Variants in GRM7 observed in about 807,000 individuals in gnomAD.
GRM7 encodes the protein glutamate metabotropic receptor 7, also known as metabotropic glutamate receptor 7.
In GRM7, 35 loss-of-function variants were observed where a neutral mutation model predicts 84.5. The ratio of observed to expected loss-of-function variants is 0.41; its 90% CI spans 0.32 to 0.55. The LOEUF (loss-of-function observed/expected upper bound fraction) is 0.55. Among genes scored for constraint, GRM7 ranks in the 20% least tolerant of loss-of-function variants. The probability of loss-of-function intolerance (pLI) is 0.19; values close to 1 mark genes in which losing one functional copy is unlikely to be tolerated. For missense variants in GRM7, 1,003 were observed against 1,194.6 expected, an observed-to-expected ratio of 0.84 and a Z score of 2.36; for synonymous variants, 487 against 455.1, an observed-to-expected ratio of 1.07 and a Z score of -0.89.
intron 1 of GRM7, among the ~76,000 whole-genome samples, chr3:7,086,593 T>C (rs1413820728): frequency 1.3e-5 from 2 of 152,244 alleles, no homozygotes; most frequent in Non-Finnish European, 1.5e-5. Context: ...TGCAACTTGA[T>C]GTTTGCCAGC....
At chr3:7,039,591 A>C (rs1574823093) in intron 1 of GRM7, among the ~76,000 whole-genome samples, 1 of 152,154 alleles carries the variant, frequency 6.6e-6, no homozygotes, top group African/African-American at 2.4e-5. Flanking sequence ...ATAATATTGG[A>C]TATGCCGTGA....
chr3:7,415,405 G>C (rs906561415), intron 5 of GRM7, among the ~76,000 whole-genome samples: 8 of 152,122 alleles, frequency 5.3e-5, no homozygotes, highest in African/African-American at 1.9e-4. Context: ...TTTGAATTCA[G>C]AAGGGGTCAT....
chr3:7,334,879 A>G (rs1184197432), intron 4 of GRM7, among the ~76,000 whole-genome samples: 2 of 152,128 alleles, frequency 1.3e-5, no homozygotes, highest in Non-Finnish European at 2.9e-5. Context: ...ATAAATATAT[A>G]TGCACCTAAC....
At chr3:7,349,864 T>C (rs1279527945) in intron 4 of GRM7, among the ~76,000 whole-genome samples, 1 of 152,164 alleles carries the variant, frequency 6.6e-6, no homozygotes, top group Non-Finnish European at 1.5e-5. Flanking sequence ...ATATATTAGG[T>C]TAGATTCCTC....
intron 1 of GRM7, among the ~76,000 whole-genome samples, chr3:7,015,270 T>A (rs1695523208): frequency 6.6e-6 from 1 of 152,140 alleles, no homozygotes; most frequent in South Asian, 2.1e-4. Context: ...ACACTCACTG[T>A]GAAGGTCCGT....
intron 1 of GRM7, among the ~76,000 whole-genome samples, chr3:6,956,268 A>T (rs1040827473): frequency 4.6e-5 from 7 of 152,200 alleles, no homozygotes; most frequent in African/African-American, 1.7e-4. Flanking sequence ...GTCTGAAGTC[A>T]ACAGTCGAAA....
At chr3:7,529,685 T>C (rs1340311603) in intron 7 of GRM7, among the ~76,000 whole-genome samples, 1 of 152,086 alleles carries the variant, frequency 6.6e-6, no homozygotes, top group African/African-American at 2.4e-5. Flanking sequence ...TCAAGGTTCA[T>C]CAACCTGCCT....
At chr3:6,939,217 G>GTTAAGGC (rs1472958402) in intron 1 of GRM7, among the ~76,000 whole-genome samples, 1 of 152,104 alleles carries the variant, frequency 6.6e-6, no homozygotes, top group Non-Finnish European at 1.5e-5. Flanking sequence ...AAACAAATCT[G>GTTAAGGC]TTAAGGCTTT....
intron 4 of GRM7, among the ~76,000 whole-genome samples, chr3:7,409,452 G>A (rs137897186): frequency 1.2e-3 from 189 of 151,948 alleles, no homozygotes; most frequent in African/African-American, 4.3e-3. Context: ...GTGGGGGGTA[G>A]CTATTTTAAT....
intron 2 of GRM7, among the ~76,000 whole-genome samples, chr3:7,254,039 G>C (rs1465508019): frequency 2.0e-5 from 3 of 152,176 alleles, no homozygotes; most frequent in African/African-American, 7.2e-5. Flanking sequence ...CCCAGGACTA[G>C]AAGTGCAAGG....
chr3:7,658,260 T>A (rs1575601401), intron 8 of GRM7, among the ~76,000 whole-genome samples: 1 of 152,310 alleles, frequency 6.6e-6, no homozygotes, highest in African/African-American at 2.4e-5. Flanking sequence ...ATTTAGAGCA[T>A]ACAGTATTAA....
At position 7,229,757 on chromosome 3, in the gene GRM7, ATATTT is replaced by A. The variant is rs1295331747; in HGVS notation, c.737-68925_737-68921del. 2.3e-3 allele frequency among the ~76,000 whole-genome samples: 62 copies of A among 26,860 alleles called. 1 individual carries two copies. The highest frequency in any genetic ancestry group is 6.2e-3 in the East Asian group (4 of 646). 17.6% of individuals were successfully genotyped at this position (26,860 alleles called of 152,430 possible). ...TATATATATATATATATATATATAT[ATATTT>A]TTTTTTTTTTTTGGTTGACAGGTGT... On this transcript the variant is annotated intron_variant, in intron 2 of 9. Coordinates refer to ENST00000357716, the MANE Select transcript of GRM7 (RefSeq NM_000844.4).
At chr3:7,704,778 T>C (rs1191082114) in intron 9 of GRM7, among the ~76,000 whole-genome samples, 1 of 152,118 alleles carries the variant, frequency 6.6e-6, no homozygotes, top group Non-Finnish European at 1.5e-5. Flanking sequence ...TGTCCCCAAA[T>C]GCCTGGCTCT....
chr3:7,672,038 C>T (rs1699937193), intron 8 of GRM7, among the ~76,000 whole-genome samples: 1 of 152,106 alleles, frequency 6.6e-6, no homozygotes, highest in Non-Finnish European at 1.5e-5. Flanking sequence ...TTTTTCCTCC[C>T]TTGAATCCTC....
chr3:7,558,292 G>T lies in GRM7; in HGVS notation c.1516-20130G>T, dbSNP rs376832146. Among the ~76,000 whole-genome samples the T allele has an allele frequency of 4.1e-4, 63 of 152,112 alleles. No individual in the cohort carries two copies. The East Asian group carries it at 8.5e-3, about 21-fold the overall frequency. On this transcript the variant is annotated intron_variant, in intron 7 of 9. Transcript: ENST00000357716. ...AGAGATAGTATATATTTAATACCTG[G>T]CATAGAGTGGATGTTCAATAATTAT...
At chr3:7,309,204 A>G (rs9846024) in intron 4 of GRM7, among the ~76,000 whole-genome samples, 7,491 of 152,318 alleles carry the variant, frequency 0.049, 618 homozygotes, top group African/African-American at 0.17. Context: ...CAGACAGAAC[A>G]TTAAGATAGC....
At chr3:7,239,810 A>G (rs762351306) in intron 2 of GRM7, among the ~76,000 whole-genome samples, 1 of 152,142 alleles carries the variant, frequency 6.6e-6, no homozygotes, top group Non-Finnish European at 1.5e-5. Flanking sequence ...TTTCAGCATC[A>G]GAGTTTTTTC....
At chr3:7,503,260 C>T (rs1575425056) in intron 7 of GRM7, among the ~76,000 whole-genome samples, 1 of 152,094 alleles carries the variant, frequency 6.6e-6, no homozygotes, top group East Asian at 1.9e-4. Flanking sequence ...GATAATGTTT[C>T]TCCTCTTTGT....
At position 7,009,914 on chromosome 3, in the gene GRM7, A is replaced by C. The variant is rs73128583; in HGVS notation, c.520-136538A>C. On this transcript the variant is annotated intron_variant, in intron 1 of 9. Coordinates refer to ENST00000357716, the MANE Select transcript of GRM7 (RefSeq NM_000844.4). ...TTCTCGAATCAGACTCCAAAATGTT[A>C]AGACCCAAGAAGATACTCTAGAGTA... is the stretch of plus-strand genomic sequence containing the variant. Among the ~76,000 whole-genome samples, 391 of 152,306 alleles carry C rather than the reference A, an allele frequency of 2.6e-3. 2 individuals are homozygous for C. The highest frequency in any genetic ancestry group is 9.1e-3 in the African/African-American group (378 of 41,562).
Sources: allele counts gnomAD v4.1 joint callset (sites outside exome capture counted in the v4.1 genomes callset), GRCh38; gene constraint gnomAD v4.1.1; transcripts MANE v1.5; gene names NCBI Gene and HGNC (gene_info 2026-07-23, HGNC 2026-07-21).